ONECUT2: variants seen among roughly 807,000 people sequenced by gnomAD.
ONECUT2 encodes the protein one cut homeobox 2, also known as one cut domain family member 2.
A neutral mutation model predicts 27.9 loss-of-function variants in ONECUT2; 10 were observed. The ratio of observed to expected loss-of-function variants is 0.36; its 90% CI spans 0.22 to 0.61. The LOEUF (loss-of-function observed/expected upper bound fraction) is 0.61, where lower values mean the gene tolerates loss of function less well. Among genes scored for constraint, ONECUT2 ranks in the 20% least tolerant of loss-of-function variants. The pLI, the probability that ONECUT2 is intolerant of heterozygous loss-of-function variation, is 0.73. For missense variants in ONECUT2, 686 were observed against 721.0 expected, an observed-to-expected ratio of 0.95 and a Z score of 0.56; for synonymous variants, 334 against 315.1, an observed-to-expected ratio of 1.06 and a Z score of -0.64.
rs142909928 is a variant in ONECUT2, at chr18:57,477,575, G to A, written c.*852G>A. 7.4e-4 allele frequency: 113 copies of A among 152,738 alleles called. 1 individual carries two copies. Among genetic ancestry groups the A allele is most frequent in the African/African-American group, 2.6e-3 (107 of 41,566 alleles). 9.5% of individuals were successfully genotyped at this position (152,738 alleles called of 1,614,324 possible). On this transcript the variant is annotated 3_prime_UTR_variant, in exon 2 of 2. Coordinates refer to ENST00000491143, the MANE Select transcript of ONECUT2 (RefSeq NM_004852.3). ...CAAGACACCTATTGTGAAGTCATTA[G>A]GGAATTGATGAGAATATGGCTTCAA... is the stretch of plus-strand genomic sequence containing the variant.
intron 1 of ONECUT2, 79 bp downstream of exon 1, chr18:57,437,023 C>CCACAAGCAAGTCTG: frequency 6.7e-7 from 1 of 1,484,458 alleles, no homozygotes; most frequent in Non-Finnish European, 8.9e-7. Context: ...AGTCTGCGCG[C>CCACAAGCAAGTCTG]CGAGTCACTT....
At position 57,488,788 on chromosome 18, in the gene ONECUT2, C is replaced by G. The variant is rs931519407; in HGVS notation, c.*12065C>G. On this transcript the variant is annotated 3_prime_UTR_variant, in exon 2 of 2. Coordinates refer to ENST00000491143, the MANE Select transcript of ONECUT2 (RefSeq NM_004852.3). The stretch of plus-strand genomic sequence containing the variant: ...CCTGCCCTCTTGGGGAAACATGGGC[C>G]TGGCCTGGGAAAAGGCAGGTCATGG... 6.6e-6 allele frequency: 1 copy of G among 152,552 alleles called. No individual in the cohort carries two copies. The highest frequency in any genetic ancestry group is 6.5e-5 in the Admixed American group (1 of 15,270). The allele number at this position is 152,552 out of a possible 1,614,324, so 9.4% of individuals were successfully genotyped here. A position where few individuals can be genotyped will look rare whatever the true frequency, so the allele number is the denominator to read the frequency against.
In ONECUT2 at chr18:57,490,083, A is replaced by T. The variant is rs756899489; in HGVS notation, c.*13360A>T. On this transcript the variant is annotated 3_prime_UTR_variant, in exon 2 of 2. Transcript: ENST00000491143. ...AATTAGTTCTCTTCTTCATCTTTGC[A>T]TTTCTCAAAAGTGTTCTCCTGGACC... 1.4e-4 allele frequency: 22 copies of T among 152,146 alleles called. No homozygotes were observed. Among genetic ancestry groups the T allele is most frequent in the Non-Finnish European group, 2.4e-4 (16 of 68,026 alleles). The allele number at this position is 152,146 out of a possible 1,614,324, so 9.4% of individuals were successfully genotyped here.
rs1170939091 is a variant in ONECUT2 at position 57,436,610 on chromosome 18, G to A, written c.894G>A (p.Pro298=). 5.0e-6 allele frequency: 8 copies of A among 1,610,630 alleles called. No individual in the cohort carries two copies. The South Asian group carries it at 7.7e-5, about 15-fold the overall frequency. ...CGCACCTGAACGGCCTGCACCACCC[G>A]GGCCACACTCAGTCTCACGGGCCGG... ...MMSHLNGLHH[P]GHTQSHGPVL... Residue 298 remains proline (P), a synonymous_variant, in exon 1 of 2, where the codon CCG becomes CCA. Transcript: ENST00000491143. This position sits in a 1 kb window ranked among gnomAD's most constrained non-coding sequence, Gnocchi z 5.9.
rs1298271791 is a variant in ONECUT2 at position 57,486,099 on chromosome 18, T to C, written c.*9376T>C. 6.5e-6 allele frequency: 1 copy of C among 152,746 alleles called. No homozygotes were observed. The highest frequency in any genetic ancestry group is 1.5e-5 in the Non-Finnish European group (1 of 68,126). The allele number at this position is 152,746 out of a possible 1,614,324, so 9.5% of individuals were successfully genotyped here. ...ACGAGAGAGGATCTAGAAAGAGCGA[T>C]GGCAGCCTGAACACAGAAAACATCC... On this transcript the variant is annotated 3_prime_UTR_variant, in exon 2 of 2. Transcript: ENST00000491143.
chr18:57,471,459 T>C (rs544830623), intron 1 of ONECUT2, among the ~76,000 whole-genome samples: 1 of 152,278 alleles, frequency 6.6e-6, no homozygotes, highest in East Asian at 1.9e-4. Context: ...AAAGGCACTT[T>C]GTTTGTCCTG....
In ONECUT2 at chr18:57,486,581, C is replaced by T. The variant is rs970665286; in HGVS notation, c.*9858C>T. The T allele has an allele frequency of 3.9e-5, 6 of 152,180 alleles. No individual in the cohort carries two copies. The highest frequency in any genetic ancestry group is 1.5e-4 in the African/African-American group (6 of 41,270). The allele number at this position is 152,180 out of a possible 1,614,324, so 9.4% of individuals were successfully genotyped here. On this transcript the variant is annotated 3_prime_UTR_variant, in exon 2 of 2. Transcript: ENST00000491143. ...TATAGCGTATGTAATAAATTATTCA[C>T]TGTTTCTTTTGGTAACTGTGATTTA...
chr18:57,473,846 TACC>T (rs1462540454), intron 1 of ONECUT2, among the ~76,000 whole-genome samples: 1 of 152,190 alleles, frequency 6.6e-6, no homozygotes, highest in East Asian at 1.9e-4. Flanking sequence ...TTCTGTGTGT[TACC>T]ACCACACAGG....
chr18:57,437,290 T>A (rs574499647), intron 1 of ONECUT2, among the ~76,000 whole-genome samples: 1 of 152,064 alleles, frequency 6.6e-6, no homozygotes, highest in African/African-American at 2.4e-5. Flanking sequence ...GGTGTGCGTT[T>A]TCCTCTAGGA....
chr18:57,444,901 G>A (rs764146194), intron 1 of ONECUT2, among the ~76,000 whole-genome samples: 1 of 152,158 alleles, frequency 6.6e-6, no homozygotes, highest in Non-Finnish European at 1.5e-5. Context: ...GGGGTCAGGA[G>A]GCAGAATTGT....
chr18:57,444,500 C>T (rs1355653473), intron 1 of ONECUT2: 1 of 453,478 alleles, frequency 2.2e-6, no homozygotes, highest in African/African-American at 2.0e-5. Flanking sequence ...CACCCCAGTG[C>T]CCTTGAGCAT....
chr18:57,458,915 G>T (rs2050274924), intron 1 of ONECUT2, among the ~76,000 whole-genome samples: 1 of 152,024 alleles, frequency 6.6e-6, no homozygotes, highest in Non-Finnish European at 1.5e-5. Flanking sequence ...CATAGTTGCT[G>T]GATTTAAAAA....
chr18:57,461,389 C>G (rs1442151765), intron 1 of ONECUT2, among the ~76,000 whole-genome samples: 1 of 152,228 alleles, frequency 6.6e-6, no homozygotes, highest in African/African-American at 2.4e-5. Context: ...CAGAGCTGCT[C>G]TGAACATTCT....
intron 1 of ONECUT2, among the ~76,000 whole-genome samples, chr18:57,466,154 G>A (rs1049880046): frequency 6.6e-6 from 1 of 152,204 alleles, no homozygotes; most frequent in African/African-American, 2.4e-5. Context: ...TTAATTGGCA[G>A]GTGGAAGGGA....
rs1354784239 is a variant in ONECUT2, at chr18:57,488,122, CAT to C, written c.*11402_*11403del. The C allele has an allele frequency of 6.6e-6, 1 of 152,590 alleles. No homozygotes were observed. Among genetic ancestry groups the C allele is most frequent in the Admixed American group, 6.5e-5 (1 of 15,276 alleles). 9.5% of individuals were successfully genotyped at this position (152,590 alleles called of 1,614,324 possible). On this transcript the variant is annotated 3_prime_UTR_variant, in exon 2 of 2. Transcript: ENST00000491143. ...TGCTCTCGTGAATAATAAAAAGCAA[CAT>C]ATTTTTATTTGGCCTTATAAATTAG...
At chr18:57,448,751 A>C (rs556224927) in intron 1 of ONECUT2, among the ~76,000 whole-genome samples, 9 of 152,368 alleles carry the variant, frequency 5.9e-5, no homozygotes, top group Admixed American at 4.6e-4. Flanking sequence ...TACTGAATGC[A>C]TTTCCTTTGT....
chr18:57,436,472 G>T lies in ONECUT2; in HGVS notation c.756G>T (p.Pro252=). 1.2e-6 allele frequency: 2 copies of T among 1,613,130 alleles called. No homozygotes were observed. The highest frequency in any genetic ancestry group is 1.7e-6 in the Non-Finnish European group (2 of 1,179,796). Residue 252 remains proline (P), a synonymous_variant, in exon 1 of 2, where the codon CCG becomes CCT. Transcript: ENST00000491143. The surrounding 1 kb of genome is among the most constrained non-coding windows in gnomAD (Gnocchi z 5.9). ...AQQSLPNYGP[P]GHDKMLSPNF... is the part of the protein sequence containing the mutation. ...AGAGTCTGCCCAACTACGGTCCGCC[G>T]GGCCACGACAAAATGCTCAGCCCCA...
chr18:57,462,174 A>G (rs1415041227), intron 1 of ONECUT2, among the ~76,000 whole-genome samples: 3 of 152,214 alleles, frequency 2.0e-5, no homozygotes, highest in Non-Finnish European at 2.9e-5. Flanking sequence ...AATTTTGAGC[A>G]TCTTTTCATG....
Position 57,467,352 on chromosome 18 carries a change from T to G in ONECUT2, c.1229-9085T>G, listed in dbSNP as rs531100809. Reference sequence around the variant, plus strand: ...TCATCCACATTTCCTTTGGTTTTTTTTTTGTTTGTTTGTTTGTTTGTTTTT... The same window carrying G: ...TCATCCACATTTCCTTTGGTTTTTTGTTTGTTTGTTTGTTTGTTTGTTTTT... On this transcript the variant is annotated intron_variant, in intron 1 of 1. Coordinates refer to ENST00000491143, the MANE Select transcript of ONECUT2 (RefSeq NM_004852.3). The G allele has an allele frequency of 3.6e-4, 99 of 273,284 alleles. 2 individuals carry two copies. The East Asian group carries it at 5.5e-3, about 15-fold the overall frequency. The allele number at this position is 273,284 out of a possible 1,614,324, so 16.9% of individuals were successfully genotyped here.
Sources: allele counts gnomAD v4.1 joint callset (sites outside exome capture counted in the v4.1 genomes callset), GRCh38; gene constraint gnomAD v4.1.1; non-coding constraint Gnocchi (gnomAD v3.1); transcripts MANE v1.5; gene names NCBI Gene and HGNC (gene_info 2026-07-23, HGNC 2026-07-21).